Variants in TNIK observed in about 807,000 individuals in gnomAD.
TNIK encodes TRAF2 and NCK interacting kinase, also known as TRAF2 and NCK-interacting protein kinase.
TNIK carries 49 observed loss-of-function variants against 191.3 expected under a neutral mutation model. The ratio of observed to expected loss-of-function variants is 0.26; its 90% CI spans 0.20 to 0.32. The LOEUF (loss-of-function observed/expected upper bound fraction) is 0.32. TNIK is among the 10% of genes least tolerant of loss of function. TNIK has a pLI of 1.00. For missense variants in TNIK, 1,155 were observed against 1,702.3 expected (o/e 0.68, Z 5.66); for synonymous variants, 594 against 600.9 (o/e 0.99, Z 0.17).
chr3:171,178,149 G>C (rs1736184456), intron 7 of TNIK, among the ~76,000 whole-genome samples: 1 of 152,142 alleles, frequency 6.6e-6, no homozygotes, highest in Non-Finnish European at 1.5e-5. Flanking sequence ...GCAAACATTG[G>C]TGTACAAATC....
chr3:171,187,106 T>C (rs1298925461), intron 7 of TNIK, among the ~76,000 whole-genome samples: 1 of 152,196 alleles, frequency 6.6e-6, no homozygotes. Flanking sequence ...CTATGTTACA[T>C]AGTAATCTAG....
chr3:171,365,796 G>A (rs558272437), intron 2 of TNIK, among the ~76,000 whole-genome samples: 2 of 152,060 alleles, frequency 1.3e-5, no homozygotes, highest in South Asian at 2.1e-4. Context: ...CCACCACGAC[G>A]GCCTCCCTAC....
chr3:171,118,050 C>T (rs1436062624), intron 18 of TNIK, among the ~76,000 whole-genome samples: 4 of 152,196 alleles, frequency 2.6e-5, no homozygotes, highest in Non-Finnish European at 5.9e-5. Flanking sequence ...GCCCCATCGT[C>T]TCAGCCCCAA....
chr3:171,409,835 C>G (rs937386218), intron 1 of TNIK, among the ~76,000 whole-genome samples: 2 of 150,462 alleles, frequency 1.3e-5, no homozygotes, highest in African/African-American at 4.9e-5. Flanking sequence ...ATCTTTAGTG[C>G]AAGCAGTATA....
At chr3:171,205,709 T>A (rs1272151422) in intron 4 of TNIK, among the ~76,000 whole-genome samples, 1 of 151,936 alleles carries the variant, frequency 6.6e-6, no homozygotes, top group East Asian at 1.9e-4. Flanking sequence ...TCAGATCCCA[T>A]CCCCCTCACT....
intron 29 of TNIK, 79 bp downstream of exon 29, chr3:171,071,144 C>T (rs1719124369): frequency 3.8e-6 from 4 of 1,058,406 alleles, no homozygotes; most frequent in Non-Finnish European, 5.4e-6. Context: ...TGGTATTGGT[C>T]TATATGGACT....
chr3:171,178,999 G>A (rs1241134336), intron 7 of TNIK, among the ~76,000 whole-genome samples: 2 of 152,152 alleles, frequency 1.3e-5, no homozygotes, highest in Non-Finnish European at 2.9e-5. Context: ...GCACAATGTG[G>A]AGGGGGTTTT....
At chr3:171,437,215 G>GA (rs1726135853) in intron 1 of TNIK, among the ~76,000 whole-genome samples, 1 of 152,146 alleles carries the variant, frequency 6.6e-6, no homozygotes, top group Non-Finnish European at 1.5e-5. Flanking sequence ...ATTTGTAAAG[G>GA]AAAAAAGCAC....
At chr3:171,277,150 C>T (rs952087773) in intron 2 of TNIK, among the ~76,000 whole-genome samples, 22 of 152,150 alleles carry the variant, frequency 1.4e-4, no homozygotes, top group Non-Finnish European at 3.1e-4. Flanking sequence ...TCTCATCCCA[C>T]GTGGTGCCTT....
intron 1 of TNIK, among the ~76,000 whole-genome samples, chr3:171,419,316 C>T (rs1202431049): frequency 1.3e-5 from 2 of 152,094 alleles, no homozygotes; most frequent in East Asian, 1.9e-4. Context: ...TCCGTAAAGA[C>T]AGAAAGTAGA....
intron 4 of TNIK, among the ~76,000 whole-genome samples, chr3:171,196,676 T>C (rs1738711773): frequency 6.6e-6 from 1 of 152,186 alleles, no homozygotes; most frequent in African/African-American, 2.4e-5. Flanking sequence ...ATTTAGATAT[T>C]AATTTTTTTA....
chr3:171,136,799 CA>C (rs1016860864), intron 15 of TNIK, among the ~76,000 whole-genome samples: 9 of 152,124 alleles, frequency 5.9e-5, no homozygotes, highest in Non-Finnish European at 1.2e-4. Context: ...TGTTTAGCAG[CA>C]TAGTGATTTT....
At chr3:171,109,287 G>T (rs578092287) in intron 19 of TNIK, among the ~76,000 whole-genome samples, 1 of 152,248 alleles carries the variant, frequency 6.6e-6, no homozygotes, top group African/African-American at 2.4e-5. Context: ...TCGGCCTTCC[G>T]GGTACCTAGG....
chr3:171,268,871 G>T (rs1748730333), intron 2 of TNIK, among the ~76,000 whole-genome samples: 2 of 152,146 alleles, frequency 1.3e-5, no homozygotes, highest in African/African-American at 4.8e-5. Flanking sequence ...TACTTCCATA[G>T]CCAAAACAAC....
intron 2 of TNIK, among the ~76,000 whole-genome samples, chr3:171,243,439 A>C (rs1361818499): frequency 2.0e-5 from 3 of 151,972 alleles, no homozygotes; most frequent in East Asian, 3.9e-4. Flanking sequence ...AAAAAAAAAA[A>C]ACACCTTCTT....
intron 13 of TNIK, among the ~76,000 whole-genome samples, chr3:171,139,963 T>C (rs1184057584): frequency 6.6e-6 from 1 of 152,222 alleles, no homozygotes; most frequent in African/African-American, 2.4e-5. Context: ...GTCTTTGTAA[T>C]GGAACCATCC....
At chr3:171,429,868 C>T (rs1725142934) in intron 1 of TNIK, among the ~76,000 whole-genome samples, 1 of 152,146 alleles carries the variant, frequency 6.6e-6, no homozygotes, top group African/African-American at 2.4e-5. Context: ...AGCATTCCTC[C>T]CCCGAACACC....
chr3:171,157,236 G>T (rs1222244890), intron 12 of TNIK, among the ~76,000 whole-genome samples: 3 of 152,218 alleles, frequency 2.0e-5, no homozygotes, highest in Non-Finnish European at 4.4e-5. Flanking sequence ...ACAGGAAGGG[G>T]TGACGGCCTT....
chr3:171,130,165 A>C (rs1190544167), intron 15 of TNIK, among the ~76,000 whole-genome samples: 1 of 152,212 alleles, frequency 6.6e-6, no homozygotes, highest in Non-Finnish European at 1.5e-5. Context: ...TAAAAACTTG[A>C]AAGAGCTATT....
Sources: allele counts gnomAD v4.1 joint callset (sites outside exome capture counted in the v4.1 genomes callset), GRCh38; gene constraint gnomAD v4.1.1; transcripts MANE v1.5; gene names NCBI Gene and HGNC (gene_info 2026-07-23, HGNC 2026-07-21).